Variants in ZNF611 observed in about 807,000 individuals in gnomAD.
ZNF611 encodes zinc finger protein 611.
Under a neutral mutation model 8.9 loss-of-function variants are expected in ZNF611, and 6 were observed. That is an observed-to-expected ratio of 0.68 (90% CI 0.37 to 1.34). ZNF611 has a LOEUF of 1.34. ZNF611 is among the 40% of genes most tolerant of loss of function. ZNF611 has a pLI of 0.02. For synonymous variants in ZNF611, 262 were observed against 279.7 expected, an observed-to-expected ratio of 0.94 and a Z score of 0.63; for missense variants, 874 against 841.3, an observed-to-expected ratio of 1.04 and a Z score of -0.48.
At chr19:52,711,641 A>G (rs2062280865) in intron 5 of ZNF611, among the ~76,000 whole-genome samples, 1 of 152,212 alleles carries the variant, frequency 6.6e-6, no homozygotes, top group South Asian at 2.1e-4. Flanking sequence ...TGCGCTGCTG[A>G]CAGTGGTTCT....
chr19:52,720,610 GCTC>G (rs1003332634), intron 3 of ZNF611, among the ~76,000 whole-genome samples: 1 of 141,440 alleles, frequency 7.1e-6, no homozygotes, highest in South Asian at 2.3e-4. Flanking sequence ...GGGCAGAGGC[GCTC>G]CTCACCTCCC....
chr19:52,732,733 C>G (rs111467797), intron 1 of ZNF611, among the ~76,000 whole-genome samples: 255 of 151,358 alleles, frequency 1.7e-3, no homozygotes, highest in African/African-American at 6.1e-3. Context: ...TCCTTTGAGC[C>G]CAGGATTTTG....
At chr19:52,714,716 A>AGCG (rs1555795581) in intron 4 of ZNF611, among the ~76,000 whole-genome samples, 1 of 40,364 alleles carries the variant, frequency 2.5e-5, no homozygotes, top group Non-Finnish European at 4.5e-5. Flanking sequence ...AAACAAAAAA[A>AGCG]CAATGCCGGG....
chr19:52,726,186 G>A lies in ZNF611; in HGVS notation c.-20+2544C>T, dbSNP rs2147444414. 1.3e-5 allele frequency among the ~76,000 whole-genome samples: 2 copies of A among 152,278 alleles called. 1 individual carries two copies. Among genetic ancestry groups the A allele is most frequent in the African/African-American group, 4.8e-5 (2 of 41,580 alleles). On this transcript the variant is annotated intron_variant, in intron 3 of 5. Coordinates refer to ENST00000652185, the MANE Select transcript of ZNF611 (RefSeq NM_001161499.2). Reference sequence around the variant, plus strand: ...AGACTTCCCTAGAGCCTTTGCTTGGGATGCGGGACTGGGTGCTCAGGCCAG... The same window carrying A: ...AGACTTCCCTAGAGCCTTTGCTTGGAATGCGGGACTGGGTGCTCAGGCCAG...
intron 3 of ZNF611, among the ~76,000 whole-genome samples, chr19:52,728,197 C>T (rs1355068695): frequency 6.6e-6 from 1 of 152,116 alleles, no homozygotes; most frequent in Non-Finnish European, 1.5e-5. Context: ...TGAGCCACTG[C>T]ACCTGGCCGT....
At chr19:52,718,733 C>G (rs2062334683) in intron 3 of ZNF611, among the ~76,000 whole-genome samples, 3 of 151,942 alleles carry the variant, frequency 2.0e-5, no homozygotes, top group African/African-American at 7.3e-5. Context: ...CAGAGGCGAA[C>G]TTTGCAGTGA....
chr19:52,708,384 G>C (rs1236098816), intron 5 of ZNF611: 5 of 152,232 alleles, frequency 3.3e-5, no homozygotes, highest in African/African-American at 1.2e-4. Context: ...TGTAGTCCAA[G>C]CTACTCTGGA....
intron 5 of ZNF611, among the ~76,000 whole-genome samples, chr19:52,711,946 T>C (rs2062283035): frequency 6.6e-6 from 1 of 152,088 alleles, no homozygotes; most frequent in Non-Finnish European, 1.5e-5. Flanking sequence ...TGCACCTCTG[T>C]GGGAATATAA....
rs1163314411 is a variant in ZNF611, at chr19:52,705,946, T to A, written c.1109A>T (p.Tyr370Phe). 1.9e-6 allele frequency: 3 copies of A among 1,614,192 alleles called. No homozygotes were observed. In the South Asian group the frequency reaches 3.3e-5, roughly 18 times the overall value. ...HHRIHTGEKP[Y>F]KCEECDKVFS... ...AACTTTGTCACATTCTTCACATTTG[T>A]AAGGTTTCTCTCCAGTATGAATTCT... Residue 370 changes from tyrosine to phenylalanine, a missense_variant, in exon 6 of 6, where the codon TAC becomes TTC. Coordinates refer to ENST00000652185, the MANE Select transcript of ZNF611 (RefSeq NM_001161499.2).
At chr19:52,726,121 T>C (rs1049356837) in intron 3 of ZNF611, among the ~76,000 whole-genome samples, 1 of 152,188 alleles carries the variant, frequency 6.6e-6, no homozygotes, top group African/African-American at 2.4e-5. Flanking sequence ...CTATTCTCCA[T>C]TCACTCAGGA....
Position 52,706,008 on chromosome 19 carries a change from G to C in ZNF611, c.1047C>G (p.Asp349Glu). The change falls in exon 6 of 6, where the codon GAC becomes GAG. Residue 349 changes from aspartate to glutamate, a missense_variant. By Grantham distance (45) the Asp-to-Glu change is conservative. Transcript: ENST00000652185. ...GTTGTGATTGTTGATTAAAAGCCTT[G>C]TCACATTCATTACACTTGTAAGGAT... ...GENPYKCNEC[D>E]KAFNQQSQLS... is the part of the protein sequence containing the mutation. 2 of 1,614,032 alleles carry C rather than the reference G, an allele frequency of 1.2e-6. No homozygotes were observed. Among genetic ancestry groups the C allele is most frequent in the African/African-American group, 1.3e-5 (1 of 74,990 alleles).
chr19:52,726,782 C>T (rs1025153120), intron 3 of ZNF611, among the ~76,000 whole-genome samples: 1 of 148,434 alleles, frequency 6.7e-6, no homozygotes, highest in Non-Finnish European at 1.5e-5. Context: ...AGGGATCCAA[C>T]ATTATTCTTT....
Position 52,733,988 on chromosome 19 carries a change from G to T in ZNF611, c.-222+1013C>A, listed in dbSNP as rs369436216. Among the ~76,000 whole-genome samples the T allele has an allele frequency of 2.9e-3, 444 of 151,930 alleles. 2 individuals carry two copies. The highest frequency in any genetic ancestry group is 0.015 in the South Asian group (72 of 4,794). Reference sequence around the variant, plus strand: ...GATCCCAGCTGTCCTCTCTGCTGTGGTTCTCCCTCTGTTCTCCTTGACACA... The same window carrying T: ...GATCCCAGCTGTCCTCTCTGCTGTGTTTCTCCCTCTGTTCTCCTTGACACA... On this transcript the variant is annotated intron_variant, in intron 1 of 5. Transcript: ENST00000652185.
chr19:52,726,809 G>C (rs970961176), intron 3 of ZNF611, among the ~76,000 whole-genome samples: 1 of 150,980 alleles, frequency 6.6e-6, no homozygotes, highest in Non-Finnish European at 1.5e-5. Context: ...TGGATATCCA[G>C]TTAGTTGTCC....
chr19:52,725,715 A>G (rs911078372), intron 3 of ZNF611, among the ~76,000 whole-genome samples: 62 of 152,118 alleles, frequency 4.1e-4, no homozygotes, highest in African/African-American at 1.4e-3. Flanking sequence ...GGCAGAGCAA[A>G]ACTCACGCGC....
In ZNF611 at chr19:52,733,243, CAT is replaced by C. The variant is rs201836882; in HGVS notation, c.-222+1756_-222+1757del. ...ATTAGATTATATATACAGAACTCAACATGTCACAACCAATCATATCCAATGAA... is the reference window on the plus strand; with the variant it reads ...ATTAGATTATATATACAGAACTCAACGTCACAACCAATCATATCCAATGAA... On this transcript the variant is annotated intron_variant, in intron 1 of 5. Transcript: ENST00000652185. 2.4e-4 allele frequency among the ~76,000 whole-genome samples: 36 copies of C among 152,278 alleles called. No individual in the cohort carries two copies. In the East Asian group the frequency reaches 5.0e-3, roughly 21 times the overall value.
intron 3 of ZNF611, among the ~76,000 whole-genome samples, chr19:52,716,579 G>C (rs561593218): frequency 6.6e-6 from 1 of 152,282 alleles, no homozygotes; most frequent in South Asian, 2.1e-4. Flanking sequence ...TGTGGAGAAG[G>C]GGTAGGGTGA....
At chr19:52,726,714 G>A (rs533025237) in intron 3 of ZNF611, among the ~76,000 whole-genome samples, 100 of 147,328 alleles carry the variant, frequency 6.8e-4, no homozygotes, top group African/African-American at 1.7e-3. Context: ...CACCATGCTC[G>A]GCCTTGTGTT....
chr19:52,711,318 G>A (rs1225813234), intron 5 of ZNF611: 5 of 151,184 alleles, frequency 3.3e-5, no homozygotes, highest in African/African-American at 1.2e-4. Context: ...GGAAACAGGA[G>A]CAAAACTCTT....
Sources: allele counts gnomAD v4.1 joint callset (sites outside exome capture counted in the v4.1 genomes callset), GRCh38; gene constraint gnomAD v4.1.1; transcripts MANE v1.5; gene names NCBI Gene and HGNC (gene_info 2026-07-23, HGNC 2026-07-21).